STAG1: variants seen among roughly 807,000 people sequenced by gnomAD.
The protein encoded by STAG1 is STAG1 cohesin complex component.
Under a neutral mutation model 170.9 loss-of-function variants are expected in STAG1, and 26 were observed. The ratio of observed to expected loss-of-function variants is 0.15; its 90% CI spans 0.11 to 0.21. The LOEUF (loss-of-function observed/expected upper bound fraction) is 0.21, where lower values mean the gene tolerates loss of function less well. Among genes scored for constraint, STAG1 ranks in the 10% least tolerant of loss-of-function variants. The pLI, the probability that STAG1 is intolerant of heterozygous loss-of-function variation, is 1.00. For synonymous variants in STAG1, 514 were observed against 497.7 expected (o/e 1.03, Z -0.44); for missense variants, 964 against 1,509.5 (o/e 0.64, Z 5.99).
intron 1 of STAG1, among the ~76,000 whole-genome samples, chr3:136,650,228 C>A (rs1576714912): frequency 6.8e-6 from 1 of 146,160 alleles, no homozygotes. Flanking sequence ...AAAGTGAGAC[C>A]CTGTCAAGAA....
At chr3:136,739,780 C>T (rs1475814092) in intron 1 of STAG1, among the ~76,000 whole-genome samples, 4 of 151,930 alleles carry the variant, frequency 2.6e-5, no homozygotes, top group African/African-American at 4.8e-5. Flanking sequence ...GCCGAGATCG[C>T]GCCACTGCAC....
intron 6 of STAG1, among the ~76,000 whole-genome samples, chr3:136,524,740 G>A (rs1193489824): frequency 5.3e-5 from 8 of 152,114 alleles, no homozygotes; most frequent in African/African-American, 1.4e-4. Flanking sequence ...GTTTGTCATA[G>A]ATAGCTCTTA....
At chr3:136,456,596 G>A (rs946931966) in intron 13 of STAG1, among the ~76,000 whole-genome samples, 2 of 152,162 alleles carry the variant, frequency 1.3e-5, no homozygotes, top group Non-Finnish European at 2.9e-5. Context: ...CATATTAAAA[G>A]AGTAAGGCTG....
At chr3:136,640,707 T>C (rs1348690511) in intron 1 of STAG1, among the ~76,000 whole-genome samples, 1 of 146,106 alleles carries the variant, frequency 6.8e-6, no homozygotes, top group African/African-American at 2.5e-5. Flanking sequence ...AGAGTCTTGC[T>C]CGCCACCCAG....
rs150290612 is a variant in STAG1 at position 136,740,802 on chromosome 3, A to G, written c.-84+11393T>C. Reference sequence around the variant, plus strand: ...GCCAAGCGTTTTCTTACACACACACATATTCACCAGAACAAAGACGTGGGG... The same window carrying G: ...GCCAAGCGTTTTCTTACACACACACGTATTCACCAGAACAAAGACGTGGGG... On this transcript the variant is annotated intron_variant, in intron 1 of 33. Transcript: ENST00000383202. 1.3e-3 allele frequency among the ~76,000 whole-genome samples: 195 copies of G among 152,260 alleles called. 1 individual carries two copies. Among genetic ancestry groups the G allele is most frequent in the African/African-American group, 4.3e-3 (180 of 41,554 alleles).
intron 6 of STAG1, among the ~76,000 whole-genome samples, chr3:136,532,749 G>C (rs891550877): frequency 1.4e-4 from 21 of 151,844 alleles, no homozygotes; most frequent in Admixed American, 2.0e-4. Context: ...AATAAACTAG[G>C]CAAAAAAGGA....
At chr3:136,456,079 A>T (rs1428908258) in intron 13 of STAG1, among the ~76,000 whole-genome samples, 1 of 152,228 alleles carries the variant, frequency 6.6e-6, no homozygotes, top group Non-Finnish European at 1.5e-5. Flanking sequence ...TGGAAGCGGT[A>T]GCTATCTCTT....
intron 4 of STAG1, among the ~76,000 whole-genome samples, chr3:136,580,776 A>G (rs1024798383): frequency 6.9e-6 from 1 of 145,934 alleles, no homozygotes; most frequent in African/African-American, 2.5e-5. Context: ...CTCATGATCC[A>G]CCCGCCTCGG....
chr3:136,594,859 T>C (rs1412066826), intron 4 of STAG1, among the ~76,000 whole-genome samples: 1 of 152,088 alleles, frequency 6.6e-6, no homozygotes, highest in African/African-American at 2.4e-5. Flanking sequence ...CAGCCTTGAC[T>C]TCCCGGGCTC....
At chr3:136,351,087 C>T (rs919109338) in intron 28 of STAG1, among the ~76,000 whole-genome samples, 3 of 151,964 alleles carry the variant, frequency 2.0e-5, no homozygotes, top group African/African-American at 7.2e-5. Flanking sequence ...GGATTTGTTT[C>T]CCTTTGTTTT....
chr3:136,566,793 C>T (rs562600536), intron 5 of STAG1, among the ~76,000 whole-genome samples: 4 of 152,224 alleles, frequency 2.6e-5, no homozygotes, highest in African/African-American at 9.6e-5. Context: ...CATAAAATTA[C>T]TCATTACAGT....
At chr3:136,498,681 C>A in intron 9 of STAG1, among the ~76,000 whole-genome samples, 1 of 150,376 alleles carries the variant, frequency 6.6e-6, no homozygotes, top group Admixed American at 6.6e-5. Flanking sequence ...ATTAGACCTC[C>A]ATAAAGTTGC....
intron 5 of STAG1, among the ~76,000 whole-genome samples, chr3:136,549,658 GTT>G (rs34179977): frequency 4.1e-4 from 59 of 144,542 alleles, no homozygotes; most frequent in Non-Finnish European, 4.9e-4. Flanking sequence ...CACTTCTTCC[GTT>G]TTTTTTTTTT....
chr3:136,370,265 C>A (rs2108296119), intron 23 of STAG1, among the ~76,000 whole-genome samples: 1 of 152,156 alleles, frequency 6.6e-6, no homozygotes, highest in African/African-American at 2.4e-5. Context: ...TGAAGACGTT[C>A]CAATGAGACA....
intron 28 of STAG1, among the ~76,000 whole-genome samples, chr3:136,354,943 T>C (rs1389286124): frequency 6.6e-6 from 1 of 152,034 alleles, no homozygotes; most frequent in Non-Finnish European, 1.5e-5. Context: ...AGGTGTACCA[T>C]GCAAAACAGT....
intron 30 of STAG1, among the ~76,000 whole-genome samples, chr3:136,343,056 T>C (rs1300555922): frequency 6.6e-6 from 1 of 152,236 alleles, no homozygotes; most frequent in African/African-American, 2.4e-5. Context: ...TTGATACTTC[T>C]AACACTGTCT....
rs554338920 is a variant in STAG1 at position 136,540,822 on chromosome 3, C to CAAAAAAAAAAAAAAAAAAAAAAAAAA, written c.471+1271_471+1296dup. 4.1e-4 allele frequency among the ~76,000 whole-genome samples: 19 copies of CAAAAAAAAAAAAAAAAAAAAAAAAAA among 46,306 alleles called. 3 individuals carry two copies. Among genetic ancestry groups the CAAAAAAAAAAAAAAAAAAAAAAAAAA allele is most frequent in the Non-Finnish European group, 7.1e-4 (16 of 22,632 alleles). 30.4% of individuals were successfully genotyped at this position (46,306 alleles called of 152,430 possible). A position where few individuals can be genotyped will look rare whatever the true frequency, so the allele number is the denominator to read the frequency against. ...GGGCGACAGAGTGAAACTGTGTCTC[C>CAAAAAAAAAAAAAAAAAAAAAAAAAA]AAAAAAAAAAAAAAAAAAAAAAAAA... On this transcript the variant is annotated intron_variant, in intron 6 of 33. Transcript: ENST00000383202.
At chr3:136,733,664 T>C (rs973151174) in intron 1 of STAG1, among the ~76,000 whole-genome samples, 2 of 152,242 alleles carry the variant, frequency 1.3e-5, no homozygotes, top group Admixed American at 6.5e-5. Context: ...CAGTGCTTCA[T>C]CTGTGAACAC....
At chr3:136,438,986 C>G (rs1279021781) in intron 15 of STAG1, among the ~76,000 whole-genome samples, 2 of 151,438 alleles carry the variant, frequency 1.3e-5, no homozygotes, top group African/African-American at 4.9e-5. Flanking sequence ...CACTTGAGGT[C>G]AGTAGTTCGA....
Sources: allele counts gnomAD v4.1 joint callset (sites outside exome capture counted in the v4.1 genomes callset), GRCh38; gene constraint gnomAD v4.1.1; transcripts MANE v1.5; gene names NCBI Gene and HGNC (gene_info 2026-07-23, HGNC 2026-07-21).